The following HMHB1 variants were observed in gnomAD, a reference collection of about 807,000 sequenced individuals.
HMHB1 encodes minor histocompatibility protein HB-1.
In HMHB1, 4 loss-of-function variants were observed where a neutral mutation model predicts 2.4. That is an observed-to-expected ratio of 1.65 (90% CI 0.81 to 3.77). HMHB1 has a LOEUF of 3.77. Ranked by LOEUF, HMHB1 falls within the 30% of genes most tolerant of loss-of-function variation. The probability of loss-of-function intolerance (pLI) is 0.01; values close to 1 mark genes in which losing one functional copy is unlikely to be tolerated. For synonymous variants in HMHB1, 22 were observed against 17.6 expected (o/e 1.25, Z -0.63); for missense variants, 57 against 44.2 (o/e 1.29, Z -0.82).
intron 1 of HMHB1, among the ~76,000 whole-genome samples, chr5:143,816,102 AATTCC>A (rs1759747162): frequency 6.6e-6 from 1 of 152,174 alleles, no homozygotes; most frequent in South Asian, 2.1e-4. Flanking sequence ...TAGCAATCTA[AATTCC>A]ATCTGCAAAC....
At chr5:143,813,727 A>C (rs1246422396) in intron 1 of HMHB1, among the ~76,000 whole-genome samples, 7 of 152,230 alleles carry the variant, frequency 4.6e-5, no homozygotes, top group Non-Finnish European at 1.0e-4. Context: ...TTTTGTAAGG[A>C]TGTGAATTAT....
chr5:143,812,381 G>T, intron 1 of HMHB1, 77 bp downstream of exon 1: 1 of 1,385,574 alleles, frequency 7.2e-7, no homozygotes, highest in South Asian at 1.3e-5. Context: ...GAAAGAAAAT[G>T]CTGGTGGAAT....
chr5:143,818,873 G>T (rs549288933), intron 1 of HMHB1, among the ~76,000 whole-genome samples: 1 of 152,122 alleles, frequency 6.6e-6, no homozygotes, highest in African/African-American at 2.4e-5. Flanking sequence ...TGCAAGTACA[G>T]AATTCTATTC....
intron 1 of HMHB1, among the ~76,000 whole-genome samples, chr5:143,815,988 G>A (rs148774142): frequency 0.027 from 4,138 of 151,122 alleles, 158 homozygotes; most frequent in African/African-American, 0.063. Flanking sequence ...TTACAGGCGT[G>A]AGCCGCTGTG....
At position 143,820,563 on chromosome 5, in the gene HMHB1, C is replaced by T; in HGVS notation, c.121C>T (p.Leu41Phe). ...GCACAGCTCTTCCCTGACTTATAGG[C>T]TTTGACACTGCTGTTGAGGTTTGAC... The change falls in exon 2 of 2, where the codon CTT becomes TTT. Residue 41 changes from leucine to phenylalanine, a missense_variant. Leu to Phe is a conservative substitution (Grantham distance 22, BLOSUM62 0). Coordinates refer to ENST00000289448, the MANE Select transcript of HMHB1 (RefSeq NM_021182.3). 6.2e-7 allele frequency: 1 copy of T among 1,606,592 alleles called. No homozygotes were observed. The highest frequency in any genetic ancestry group is 1.3e-5 in the African/African-American group (1 of 74,838).
intron 1 of HMHB1, among the ~76,000 whole-genome samples, 149 bp from the exon 2 acceptor site, chr5:143,820,318 TAAAAAAAAAAAAA>T (rs60960654): frequency 0.016 from 763 of 47,620 alleles, 13 homozygotes; most frequent in Non-Finnish European, 0.018. Flanking sequence ...TCATCATAAG[TAAAAAAAAAAAAA>T]AAAAAAAAAA....
At chr5:143,819,611 G>A (rs1434310921) in intron 1 of HMHB1, among the ~76,000 whole-genome samples, 1 of 149,974 alleles carries the variant, frequency 6.7e-6, no homozygotes, top group Non-Finnish European at 1.5e-5. Flanking sequence ...CTCCAGCCTG[G>A]GCGAGAGAGT....
In HMHB1 at chr5:143,812,207, G is replaced by A. The variant is rs1759699711; in HGVS notation, c.-61G>A. 8 of 1,507,174 alleles carry A rather than the reference G, an allele frequency of 5.3e-6. No homozygotes were observed. Among genetic ancestry groups the A allele is most frequent in the African/African-American group, 1.4e-5 (1 of 71,704 alleles). 93.4% of individuals were successfully genotyped at this position (1,507,174 alleles called of 1,614,324 possible). On this transcript the variant is annotated 5_prime_UTR_variant, in exon 1 of 2. Coordinates refer to ENST00000289448, the MANE Select transcript of HMHB1 (RefSeq NM_021182.3). ...CGGCTTGCCCCGCATCTCAGAAGCC[G>A]GGCAGGCCCTGAGCCTTCTGACCTC...
chr5:143,820,663 G>A lies in HMHB1; in HGVS notation c.*95G>A, dbSNP rs1759804440. On this transcript the variant is annotated 3_prime_UTR_variant, in exon 2 of 2. Coordinates refer to ENST00000289448, the MANE Select transcript of HMHB1 (RefSeq NM_021182.3). ...TGAAGAAGAGTAAAATTAAGCAAGTGGAACATATGCCCTTTGCCTCTGCTC... is the reference window on the plus strand; with the variant it reads ...TGAAGAAGAGTAAAATTAAGCAAGTAGAACATATGCCCTTTGCCTCTGCTC... 2.6e-6 allele frequency: 2 copies of A among 782,256 alleles called. No individual in the cohort carries two copies. The highest frequency in any genetic ancestry group is 4.6e-6 in the Non-Finnish European group (2 of 438,604). 48.5% of individuals were successfully genotyped at this position (782,256 alleles called of 1,614,324 possible). A position where few individuals can be genotyped will look rare whatever the true frequency, so the allele number is the denominator to read the frequency against.
rs980305408 is a variant in HMHB1 at position 143,820,533 on chromosome 5, C to G, written c.91C>G (p.Leu31Val). 3.7e-6 allele frequency: 6 copies of G among 1,612,910 alleles called. No homozygotes were observed. In the African/African-American group the frequency reaches 8.0e-5, roughly 22 times the overall value. ...GGTTGAAGTTGAAGATGATGTGTAT[C>G]TGAGGCACAGCTCTTCCCTGACTTA... Residue 31 changes from leucine (L) to valine (V), a missense_variant, in exon 2 of 2, where the codon CTG (leucine) becomes GTG (valine). Leu to Val is a conservative substitution (Grantham distance 32, BLOSUM62 1). Coordinates refer to ENST00000289448, the MANE Select transcript of HMHB1 (RefSeq NM_021182.3).
chr5:143,817,057 T>C (rs1468039122), intron 1 of HMHB1, among the ~76,000 whole-genome samples: 1 of 152,232 alleles, frequency 6.6e-6, no homozygotes, highest in Non-Finnish European at 1.5e-5. Flanking sequence ...GATTTTTTTC[T>C]TCCTTGCTGA....
At chr5:143,816,862 A>G (rs993537930) in intron 1 of HMHB1, among the ~76,000 whole-genome samples, 3 of 152,254 alleles carry the variant, frequency 2.0e-5, no homozygotes, top group African/African-American at 7.2e-5. Flanking sequence ...CCATGCCAGC[A>G]TCTACTGTGC....
intron 1 of HMHB1, among the ~76,000 whole-genome samples, chr5:143,819,931 A>G (rs1446534987): frequency 6.6e-6 from 1 of 152,078 alleles, no homozygotes; most frequent in Non-Finnish European, 1.5e-5. Context: ...GGCCCCTTTC[A>G]TGGTTGCTCT....
intron 1 of HMHB1, among the ~76,000 whole-genome samples, chr5:143,816,369 CCT>C (rs376125066): frequency 0.011 from 1,718 of 152,202 alleles, 21 homozygotes; most frequent in South Asian, 0.047. Context: ...ACCCTTTCCC[CCT>C]GAGTCCCCAA....
At chr5:143,820,318 T>TTAAAAAAAAAAAAAAAAAAAAAAAA (rs1224094703) in intron 1 of HMHB1, among the ~76,000 whole-genome samples, 162 bp from the exon 2 acceptor site, 3 of 47,578 alleles carry the variant, frequency 6.3e-5, no homozygotes, top group African/African-American at 2.1e-4. Flanking sequence ...TCATCATAAG[T>TTAAAAAAAAAAAAAAAAAAAAAAAA]AAAAAAAAAA....
chr5:143,816,301 C>A (rs1759748935), intron 1 of HMHB1, among the ~76,000 whole-genome samples: 1 of 152,158 alleles, frequency 6.6e-6, no homozygotes, highest in Non-Finnish European at 1.5e-5. Context: ...GTGCACTCAT[C>A]ACATGAGCTG....
At chr5:143,814,081 C>T (rs1049893311) in intron 1 of HMHB1, among the ~76,000 whole-genome samples, 6 of 152,160 alleles carry the variant, frequency 3.9e-5, no homozygotes, top group African/African-American at 1.4e-4. Context: ...TTTTCCTCAT[C>T]TATCCTTGTC....
At chr5:143,816,390 GTGT>G (rs1759750078) in intron 1 of HMHB1, among the ~76,000 whole-genome samples, 1 of 152,028 alleles carries the variant, frequency 6.6e-6, no homozygotes, top group Non-Finnish European at 1.5e-5. Flanking sequence ...AAAGTCCACT[GTGT>G]CATTATTATG....
chr5:143,820,514 A>C lies in HMHB1; in HGVS notation c.72A>C (p.Glu24Asp), dbSNP rs1303598763. 1 of 1,613,228 alleles carries C rather than the reference A, an allele frequency of 6.2e-7. No homozygotes were observed. The highest frequency in any genetic ancestry group is 1.6e-4 in the Middle Eastern group (1 of 6,062). The change falls in exon 2 of 2, where the codon GAA (glutamate) becomes GAC (aspartate). Residue 24 changes from glutamate to aspartate, a missense_variant. By Grantham distance (45) the Glu-to-Asp change is conservative (BLOSUM62 2). Coordinates refer to ENST00000289448, the MANE Select transcript of HMHB1 (RefSeq NM_021182.3). ...ATGTTTGGAAGTCGGAATTGGTTGA[A>C]GTTGAAGATGATGTGTATCTGAGGC...
Sources: allele counts gnomAD v4.1 joint callset (sites outside exome capture counted in the v4.1 genomes callset), GRCh38; gene constraint gnomAD v4.1.1; transcripts MANE v1.5; gene names NCBI Gene and HGNC (gene_info 2026-07-23, HGNC 2026-07-21).